Variants in PCDHGA3 observed in about 807,000 individuals in gnomAD.
The protein encoded by PCDHGA3 is protocadherin gamma subfamily A, 3, also known as protocadherin gamma-A3.
PCDHGA3 carries 40 observed loss-of-function variants against 58.5 expected under a neutral mutation model. The observed-to-expected ratio is 0.68, with a 90% CI of 0.53 to 0.89. The LOEUF is 0.89. Ranked by LOEUF, PCDHGA3 falls within the 40% of genes least tolerant of loss-of-function variation. The pLI is 0.00. For synonymous variants in PCDHGA3, 530 were observed against 525.7 expected (o/e 1.01, Z -0.11); for missense variants, 1,223 against 1,195.9 (o/e 1.02, Z -0.33).
At chr5:141,347,465 T>C (rs1186569771) in intron 1 of PCDHGA3, among the ~76,000 whole-genome samples, 1 of 152,034 alleles carries the variant, frequency 6.6e-6, no homozygotes, top group Non-Finnish European at 1.5e-5. Flanking sequence ...TGTTATTCTT[T>C]TCATCTCAAT....
At chr5:141,364,829 C>T in intron 1 of PCDHGA3, 2 of 1,614,008 alleles carry the variant, frequency 1.2e-6, no homozygotes, top group Non-Finnish European at 1.7e-6. Context: ...TGTGAACTCT[C>T]TCCGGAGTTA....
intron 1 of PCDHGA3, chr5:141,357,115 A>T (rs1435860380): frequency 6.2e-7 from 1 of 1,613,684 alleles, no homozygotes; most frequent in Non-Finnish European, 8.5e-7. Context: ...AGACGCGCTC[A>T]AGCAGAGGCT....
intron 1 of PCDHGA3, among the ~76,000 whole-genome samples, chr5:141,372,994 C>T (rs1769242152): frequency 6.6e-6 from 1 of 152,146 alleles, no homozygotes; most frequent in South Asian, 2.1e-4. Flanking sequence ...TGCAGTTGTT[C>T]TTTCATAGAA....
At chr5:141,349,791 AT>A (rs199730073) in intron 1 of PCDHGA3, among the ~76,000 whole-genome samples, 6 of 151,582 alleles carry the variant, frequency 4.0e-5, no homozygotes, top group South Asian at 4.2e-4. Context: ...ATCACTGAAG[AT>A]TTTTTTTTAC....
chr5:141,346,459 T>C lies in PCDHGA3; in HGVS notation c.2424+2T>C. ...AAAGGAGATTCCAACCTACTTCAGG[T>C]GAGTTTATTTATTTCTTTGATTATT... On this transcript the variant is annotated splice_donor_variant, in intron 1 of 3. Transcript: ENST00000253812. LOFTEE classifies it high-confidence loss of function. 6.2e-7 allele frequency: 1 copy of C among 1,614,154 alleles called. No individual in the cohort carries two copies. The highest frequency in any genetic ancestry group is 1.1e-5 in the South Asian group (1 of 91,076).
intron 1 of PCDHGA3, chr5:141,478,781 A>G: frequency 6.7e-7 from 1 of 1,485,388 alleles, no homozygotes; most frequent in Non-Finnish European, 9.0e-7. Flanking sequence ...TGTGGACCTA[A>G]TTCACATCCT....
intron 1 of PCDHGA3, chr5:141,356,189 G>A (rs1760147177): frequency 1.2e-6 from 2 of 1,610,782 alleles, no homozygotes; most frequent in South Asian, 1.1e-5. Flanking sequence ...CTCCGAGCTA[G>A]AAGCAAGGTA....
intron 1 of PCDHGA3, among the ~76,000 whole-genome samples, chr5:141,445,356 A>C (rs1333905692): frequency 6.6e-6 from 1 of 152,202 alleles, no homozygotes; most frequent in Non-Finnish European, 1.5e-5. Flanking sequence ...TGTCTGCCCA[A>C]GTCTGGTCCT....
chr5:141,423,141 G>T (rs2096714253), intron 1 of PCDHGA3: 6 of 1,613,580 alleles, frequency 3.7e-6, no homozygotes, highest in East Asian at 2.2e-5. Context: ...ACAGAGACGC[G>T]CTCAAGCAGA....
chr5:141,394,444 G>A (rs2093001580), intron 1 of PCDHGA3: 1 of 1,614,228 alleles, frequency 6.2e-7, no homozygotes, highest in Non-Finnish European at 8.5e-7. Context: ...CCCCTCAGCA[G>A]CAACATGTCA....
chr5:141,382,789 T>A, intron 1 of PCDHGA3: 1 of 924,650 alleles, frequency 1.1e-6, no homozygotes, highest in Non-Finnish European at 1.6e-6. Flanking sequence ...CAAGCCTCTA[T>A]CCTGCTGGAT....
chr5:141,361,004 A>G, intron 1 of PCDHGA3: 1 of 1,613,282 alleles, frequency 6.2e-7, no homozygotes, highest in African/African-American at 1.3e-5. Context: ...CAAGTGAAAC[A>G]CTTTTTCAAC....
chr5:141,430,337 C>G (rs531455580), intron 1 of PCDHGA3, among the ~76,000 whole-genome samples: 1 of 150,908 alleles, frequency 6.6e-6, no homozygotes, highest in East Asian at 2.0e-4. Context: ...TTTATAGAAA[C>G]TTCCAATTCA....
Position 141,398,041 on chromosome 5 carries a change from G to T in PCDHGA3, c.2424+51584G>T, listed in dbSNP as rs114009258. On this transcript the variant is annotated intron_variant, in intron 1 of 3. Coordinates refer to ENST00000253812, the MANE Select transcript of PCDHGA3 (RefSeq NM_018916.4). ...TAAACTGGAACTGGAACTAAAGCCC[G>T]TTCGGAGATCCAAAAATCTACAATA... 1,416 of 1,492,890 alleles carry T rather than the reference G, an allele frequency of 9.5e-4. 9 individuals are homozygous for T. The African/African-American group carries it at 0.016, about 16-fold the overall frequency. 92.5% of individuals were successfully genotyped at this position (1,492,890 alleles called of 1,614,324 possible).
intron 1 of PCDHGA3, chr5:141,383,835 T>C (rs950729427): frequency 4.3e-6 from 7 of 1,613,802 alleles, no homozygotes; most frequent in Admixed American, 1.7e-5. Flanking sequence ...ATGAAGAAAC[T>C]GCCTTCTATG....
chr5:141,415,514 C>G, intron 1 of PCDHGA3: 2 of 1,614,178 alleles, frequency 1.2e-6, no homozygotes, highest in Non-Finnish European at 8.5e-7. Flanking sequence ...CCCAATTATG[C>G]GGACACGCTC....
At chr5:141,499,287 C>T (rs896428388) in intron 2 of PCDHGA3, among the ~76,000 whole-genome samples, 3 of 152,184 alleles carry the variant, frequency 2.0e-5, no homozygotes, top group Non-Finnish European at 2.9e-5. Context: ...CTGATGGCTC[C>T]ACACTACCAT....
chr5:141,384,928 A>G (rs1780667479), intron 1 of PCDHGA3: 3 of 1,614,014 alleles, frequency 1.9e-6, no homozygotes, highest in Non-Finnish European at 2.5e-6. Context: ...CGACCTGGGC[A>G]GCCTTGAGCC....
intron 1 of PCDHGA3, chr5:141,378,932 C>T (rs1274056612): frequency 1.2e-4 from 18 of 152,100 alleles, no homozygotes; most frequent in Admixed American, 1.2e-3. Context: ...AAGTTGATGG[C>T]CCTGGAATGA....
Sources: gnomAD v4.1 joint callset for allele counts (sites outside exome capture counted in the v4.1 genomes callset) on GRCh38, gnomAD v4.1.1 for gene constraint, MANE v1.5 for transcripts, NCBI Gene and HGNC (gene_info 2026-07-23, HGNC 2026-07-21) for gene names.